TENM4: variants seen among roughly 807,000 people sequenced by gnomAD.
The protein encoded by TENM4 is teneurin-4.
In TENM4, 82 loss-of-function variants were observed where a neutral mutation model predicts 243.3. The observed-to-expected ratio is 0.34, with a 90% CI of 0.28 to 0.40. The LOEUF (loss-of-function observed/expected upper bound fraction) is 0.40, where lower values mean the gene tolerates loss of function less well. Ranked by LOEUF, TENM4 falls within the 10% of genes least tolerant of loss-of-function variation. The pLI is 1.00. For synonymous variants in TENM4, 1,412 were observed against 1,456.3 expected (o/e 0.97, Z 0.69); for missense variants, 3,138 against 3,673.3 (o/e 0.85, Z 3.77).
At chr11:79,218,241 C>CCG (rs1565254780) in intron 2 of TENM4, among the ~76,000 whole-genome samples, 24 of 144,048 alleles carry the variant, frequency 1.7e-4, no homozygotes, top group South Asian at 4.8e-4. Flanking sequence ...CCCACCCACC[C>CCG]CCGACACACA....
intron 1 of TENM4, among the ~76,000 whole-genome samples, chr11:79,373,540 G>A (rs138311451): frequency 3.9e-5 from 6 of 152,204 alleles, no homozygotes; most frequent in African/African-American, 1.2e-4. Context: ...GTGGGTGGAT[G>A]GATAGTCAGG....
chr11:78,889,109 C>G (rs1166582378), intron 9 of TENM4, among the ~76,000 whole-genome samples: 1 of 152,186 alleles, frequency 6.6e-6, no homozygotes, highest in East Asian at 1.9e-4. Flanking sequence ...TCGGGAGGAG[C>G]TCCTTATATC....
At chr11:79,267,021 C>T (rs549416935) in intron 2 of TENM4, among the ~76,000 whole-genome samples, 7 of 152,262 alleles carry the variant, frequency 4.6e-5, no homozygotes, top group African/African-American at 1.7e-4. Context: ...CAAAGCTCCT[C>T]ATCTTCTCTC....
intron 1 of TENM4, among the ~76,000 whole-genome samples, chr11:79,311,812 G>A (rs1856726437): frequency 6.6e-6 from 1 of 152,108 alleles, no homozygotes; most frequent in African/African-American, 2.4e-5. Flanking sequence ...ACCCTTCCAG[G>A]TTCTACCCCT....
chr11:79,203,708 C>A, intron 3 of TENM4, among the ~76,000 whole-genome samples: 1 of 152,194 alleles, frequency 6.6e-6, no homozygotes, highest in East Asian at 1.9e-4. Context: ...TGGCATAGTA[C>A]AGTCTCTAAT....
chr11:79,313,933 G>A (rs553888085), intron 1 of TENM4, among the ~76,000 whole-genome samples: 4 of 152,084 alleles, frequency 2.6e-5, no homozygotes, highest in Non-Finnish European at 4.4e-5. Context: ...TCTACTCCCC[G>A]GTGGCCAATC....
intron 1 of TENM4, among the ~76,000 whole-genome samples, chr11:79,359,820 G>C (rs895322228): frequency 2.0e-5 from 3 of 152,160 alleles, no homozygotes; most frequent in Non-Finnish European, 4.4e-5. Context: ...GGTATCCCCA[G>C]AGAGCTCTGG....
intron 3 of TENM4, among the ~76,000 whole-genome samples, chr11:79,170,949 A>G (rs1863026798): frequency 6.6e-6 from 1 of 152,180 alleles, no homozygotes; most frequent in Non-Finnish European, 1.5e-5. Flanking sequence ...CCATCTGGAC[A>G]TGCCCCAATC....
chr11:79,406,838 C>T (rs754284644), intron 1 of TENM4, among the ~76,000 whole-genome samples: 2 of 152,104 alleles, frequency 1.3e-5, no homozygotes, highest in South Asian at 4.1e-4. Context: ...TATATATTTA[C>T]TCTGATCTTT....
chr11:79,184,829 T>C (rs1863353340), intron 3 of TENM4, among the ~76,000 whole-genome samples: 1 of 152,172 alleles, frequency 6.6e-6, no homozygotes, highest in Admixed American at 6.5e-5. Context: ...TTAACGCCCC[T>C]GAACTGTACA....
chr11:79,013,038 C>T (rs888473716), intron 6 of TENM4, among the ~76,000 whole-genome samples: 4 of 152,202 alleles, frequency 2.6e-5, no homozygotes, highest in African/African-American at 9.7e-5. Context: ...CAGACTGATA[C>T]ACGAACAAGA....
chr11:78,805,462 C>A lies in TENM4; in HGVS notation c.2009G>T (p.Arg670Leu). 6.3e-7 allele frequency: 1 copy of A among 1,589,650 alleles called. No individual in the cohort carries two copies. The highest frequency in any genetic ancestry group is 8.6e-7 in the Non-Finnish European group (1 of 1,167,662). The change falls in exon 15 of 34, where the codon CGG (arginine) becomes CTG (leucine). Residue 670 changes from arginine to leucine, a missense_variant. Physicochemically the swap from Arg to Leu is moderately radical, Grantham distance 102 (BLOSUM62 -2). Around this residue, in one of 2 missense-constraint regions of TENM4, gnomAD observed 2,467 missense variants for 3,059.1 expected, o/e 0.81. Coordinates refer to ENST00000278550, the MANE Select transcript of TENM4 (RefSeq NM_001098816.3). Reference protein sequence around the residue: ...VDCMDPTCSGRGVCVRGECHC... With the variant: ...VDCMDPTCSGLGVCVRGECHC... ...GCATTCGCCTCTCACGCAGACACCCCGGCCTGAACATGTGGGGTCCATGCA... is the reference window on the plus strand; with the variant it reads ...GCATTCGCCTCTCACGCAGACACCCAGGCCTGAACATGTGGGGTCCATGCA...
chr11:79,416,142 T>C (rs1858808262), intron 1 of TENM4, among the ~76,000 whole-genome samples: 1 of 152,248 alleles, frequency 6.6e-6, no homozygotes, highest in South Asian at 2.1e-4. Flanking sequence ...ATTCACCTGT[T>C]GATGGACATT....
chr11:79,302,635 G>C (rs150502320), intron 1 of TENM4, among the ~76,000 whole-genome samples: 3 of 152,110 alleles, frequency 2.0e-5, no homozygotes, highest in Admixed American at 2.0e-4. Flanking sequence ...TTCTTGAATT[G>C]ATTGTTGGTC....
intron 2 of TENM4, among the ~76,000 whole-genome samples, chr11:79,264,994 TG>T: frequency 6.6e-6 from 1 of 152,164 alleles, no homozygotes; most frequent in Non-Finnish European, 1.5e-5. Flanking sequence ...CAGCCAGGTG[TG>T]GGGCCAAAGG....
intron 6 of TENM4, among the ~76,000 whole-genome samples, chr11:79,059,591 T>C (rs1243270527): frequency 2.6e-5 from 4 of 152,208 alleles, no homozygotes; most frequent in African/African-American, 9.6e-5. Flanking sequence ...TTTTTTATCA[T>C]GTGAAAAATA....
intron 3 of TENM4, among the ~76,000 whole-genome samples, chr11:79,212,215 A>G (rs963293603): frequency 2.0e-5 from 3 of 152,196 alleles, no homozygotes; most frequent in African/African-American, 7.2e-5. Context: ...GTCAATGCTT[A>G]TAACTGAAAA....
At chr11:79,301,067 T>A (rs986997090) in intron 1 of TENM4, among the ~76,000 whole-genome samples, 1 of 152,160 alleles carries the variant, frequency 6.6e-6, no homozygotes, top group African/African-American at 2.4e-5. Flanking sequence ...CCATCATCCC[T>A]CTGGGGGACT....
intron 7 of TENM4, among the ~76,000 whole-genome samples, chr11:78,902,933 T>G (rs1260941429): frequency 6.6e-6 from 1 of 152,186 alleles, no homozygotes; most frequent in East Asian, 1.9e-4. Context: ...CGTTCACACA[T>G]TAGCTCTCAT....
Sources: gnomAD v4.1 joint callset for allele counts (sites outside exome capture counted in the v4.1 genomes callset) on GRCh38, gnomAD v4.1.1 for gene constraint, gnomAD v4.1.1 regional missense constraint, MANE v1.5 for transcripts, NCBI Gene and HGNC (gene_info 2026-07-23, HGNC 2026-07-21) for gene names.